Variants in DOCK5 observed in about 807,000 individuals in gnomAD.
The protein encoded by DOCK5 is dedicator of cytokinesis protein 5.
Under a neutral mutation model 251.8 loss-of-function variants are expected in DOCK5, and 142 were observed. That is an observed-to-expected ratio of 0.56 (90% CI 0.49 to 0.65). The LOEUF (loss-of-function observed/expected upper bound fraction) is 0.65, where lower values mean the gene tolerates loss of function less well. Among genes scored for constraint, DOCK5 ranks in the 30% least tolerant of loss-of-function variants. The pLI is 0.00. For missense variants in DOCK5, 2,111 were observed against 2,312.3 expected (o/e 0.91, Z 1.79); for synonymous variants, 842 against 835.5 (o/e 1.01, Z -0.13).
intron 5 of DOCK5, among the ~76,000 whole-genome samples, chr8:25,288,372 T>C (rs905292415): frequency 2.2e-4 from 34 of 152,244 alleles, no homozygotes; most frequent in South Asian, 2.1e-4. Context: ...TGGTGTGTTA[T>C]AGCTTGTCTA....
chr8:25,254,752 C>G (rs376734807), intron 2 of DOCK5, among the ~76,000 whole-genome samples: 1 of 91,178 alleles, frequency 1.1e-5, no homozygotes, highest in Non-Finnish European at 2.0e-5. Context: ...TCCAGCCTGG[C>G]GACAAAGCAA....
intron 45 of DOCK5, among the ~76,000 whole-genome samples, chr8:25,396,782 G>T (rs1040210658): frequency 1.9e-4 from 29 of 151,362 alleles, no homozygotes; most frequent in African/African-American, 7.0e-4. Flanking sequence ...GTGTGTGTGT[G>T]TGTGTGTGTG....
At chr8:25,368,316 CTT>C in intron 32 of DOCK5, 66 bp downstream of exon 32, 1 of 1,431,846 alleles carries the variant, frequency 7.0e-7, no homozygotes, top group Non-Finnish European at 9.6e-7. Context: ...ACGATAAAGT[CTT>C]TTTTTTATTT....
At chr8:25,300,707 T>G (rs192560942) in intron 9 of DOCK5, 50 bp downstream of exon 9, 1 of 1,509,732 alleles carries the variant, frequency 6.6e-7, no homozygotes, top group Admixed American at 1.9e-5. Context: ...GATATGAGCA[T>G]ATTCACATAA....
intron 2 of DOCK5, among the ~76,000 whole-genome samples, chr8:25,258,226 C>T (rs890240839): frequency 1.3e-5 from 2 of 151,860 alleles, no homozygotes; most frequent in African/African-American, 2.4e-5. Flanking sequence ...CCCTCACTGC[C>T]TGGACCAGGT....
At chr8:25,255,335 C>A (rs73558472) in intron 2 of DOCK5, among the ~76,000 whole-genome samples, 35,175 of 152,098 alleles carry the variant, frequency 0.23, 5,434 homozygotes, top group African/African-American at 0.43. Flanking sequence ...TGGATAAACA[C>A]AGTGTTACAT....
chr8:25,270,285 G>A (rs1803873070), intron 3 of DOCK5, among the ~76,000 whole-genome samples: 3 of 152,150 alleles, frequency 2.0e-5, no homozygotes, highest in Admixed American at 2.0e-4. Context: ...TCAAATAGGG[G>A]TCCAAGACAG....
intron 5 of DOCK5, among the ~76,000 whole-genome samples, chr8:25,281,619 G>A (rs1348455945): frequency 6.6e-6 from 1 of 151,216 alleles, no homozygotes; most frequent in Non-Finnish European, 1.5e-5. Context: ...AGTGGTTCAC[G>A]CCTGTAATCC....
intron 34 of DOCK5, among the ~76,000 whole-genome samples, chr8:25,371,737 G>C (rs1429894356): frequency 2.0e-5 from 3 of 152,134 alleles, no homozygotes; most frequent in African/African-American, 7.2e-5. Flanking sequence ...CAGCTGATTT[G>C]TTTTACATAA....
chr8:25,287,630 A>T (rs1804373213), intron 5 of DOCK5, among the ~76,000 whole-genome samples: 1 of 152,172 alleles, frequency 6.6e-6, no homozygotes, highest in South Asian at 2.1e-4. Context: ...TTTTAAATTT[A>T]AGCTGTCAAA....
Position 25,334,170 on chromosome 8 carries a change from G to A in DOCK5, c.2166G>A (p.Lys722=), listed in dbSNP as rs1229670139. The A allele has an allele frequency of 6.2e-7, 1 of 1,613,778 alleles. No homozygotes were observed. Among genetic ancestry groups the A allele is most frequent in the South Asian group, 1.1e-5 (1 of 91,080 alleles). ...CTGTACTTGAAACCTACATTTACAA[G>A]CACTTCAGCGCCACTTTGGCATATG... is the stretch of plus-strand genomic sequence containing the variant. ...FNPVLETYIY[K]HFSATLAYVK... is the part of the protein sequence containing the mutation. The change falls in exon 21 of 52, where the codon AAG becomes AAA. Residue 722 remains lysine, a synonymous_variant. Coordinates refer to ENST00000276440, the MANE Select transcript of DOCK5 (RefSeq NM_024940.8).
chr8:25,239,341 A>ATGTGTGTGTGTGTGTGTG lies in DOCK5; in HGVS notation c.44-4321_44-4304dup, dbSNP rs55869213. ...TATATGTGTGTGTGTGTGTGTGTGT[A>ATGTGTGTGTGTGTGTGTG]TGTGTGTGTGTGTGTGTGTGTGTGT... On this transcript the variant is annotated intron_variant, in intron 1 of 51. Transcript: ENST00000276440. Among the ~76,000 whole-genome samples the ATGTGTGTGTGTGTGTGTG allele has an allele frequency of 7.7e-4, 109 of 142,286 alleles. 1 individual carries two copies. Among genetic ancestry groups the ATGTGTGTGTGTGTGTGTG allele is most frequent in the African/African-American group, 2.8e-3 (103 of 36,798 alleles). The allele number at this position is 142,286 out of a possible 152,430, so 93.3% of individuals were successfully genotyped here.
chr8:25,391,342 G>A (rs1173620454), intron 42 of DOCK5, among the ~76,000 whole-genome samples: 1 of 151,790 alleles, frequency 6.6e-6, no homozygotes, highest in Non-Finnish European at 1.5e-5. Flanking sequence ...GATTACAGGT[G>A]TGAGCCACCA....
intron 49 of DOCK5, 77 bp downstream of exon 49, chr8:25,408,231 C>G (rs1801557554): frequency 7.0e-7 from 1 of 1,430,836 alleles, no homozygotes; most frequent in African/African-American, 1.4e-5. Context: ...TATCACCATC[C>G]CCTCCCAGAT....
chr8:25,313,505 C>T (rs1434531173), intron 13 of DOCK5, among the ~76,000 whole-genome samples: 1 of 152,230 alleles, frequency 6.6e-6, no homozygotes, highest in Non-Finnish European at 1.5e-5. Flanking sequence ...GCCACCTTCT[C>T]ATATTCTGCT....
intron 13 of DOCK5, among the ~76,000 whole-genome samples, chr8:25,314,328 A>G (rs1318397885): frequency 1.4e-5 from 2 of 144,574 alleles, no homozygotes; most frequent in Non-Finnish European, 3.0e-5. Context: ...TATGTTGCCC[A>G]GGCTAATCTT....
chr8:25,365,390 G>C (rs1040107160), intron 30 of DOCK5, among the ~76,000 whole-genome samples: 1 of 152,156 alleles, frequency 6.6e-6, no homozygotes, highest in Non-Finnish European at 1.5e-5. Flanking sequence ...TATCAGTGGA[G>C]GTCCTTGACT....
intron 40 of DOCK5, among the ~76,000 whole-genome samples, chr8:25,386,957 T>C (rs1801176196): frequency 6.6e-6 from 1 of 152,238 alleles, no homozygotes; most frequent in South Asian, 2.1e-4. Context: ...AGGAGTGCTT[T>C]ATAAACTGTA....
intron 34 of DOCK5, 22 bp from the exon 35 acceptor site, chr8:25,372,537 G>A (rs759084966): frequency 5.2e-6 from 8 of 1,552,530 alleles, no homozygotes; most frequent in East Asian, 2.3e-5. Flanking sequence ...CTGGGCTTTT[G>A]TCTCTCCCTC....
Sources: allele counts gnomAD v4.1 joint callset (sites outside exome capture counted in the v4.1 genomes callset), GRCh38; gene constraint gnomAD v4.1.1; transcripts MANE v1.5; gene names NCBI Gene and HGNC (gene_info 2026-07-23, HGNC 2026-07-21).